CAT: variants seen among roughly 807,000 people sequenced by gnomAD.
The protein encoded by CAT is epididymis secretory sperm binding protein.
A neutral mutation model predicts 59.0 loss-of-function variants in CAT; 43 were observed. The ratio of observed to expected loss-of-function variants is 0.73; its 90% CI spans 0.57 to 0.94. CAT has a LOEUF of 0.94. Ranked by LOEUF, CAT falls within the 40% of genes least tolerant of loss-of-function variation. The pLI, the probability that CAT is intolerant of heterozygous loss-of-function variation, is 0.00. For missense variants in CAT, 664 were observed against 682.9 expected (o/e 0.97, Z 0.31); for synonymous variants, 218 against 230.9 (o/e 0.94, Z 0.51).
chr11:34,465,327 A>G (rs1160955341), intron 10 of CAT, among the ~76,000 whole-genome samples: 1 of 152,226 alleles, frequency 6.6e-6, no homozygotes, highest in African/African-American at 2.4e-5. Context: ...TTACGTATAT[A>G]CATATATACG....
At chr11:34,444,301 T>C (rs1856425003) in intron 1 of CAT, among the ~76,000 whole-genome samples, 1 of 152,190 alleles carries the variant, frequency 6.6e-6, no homozygotes, top group Admixed American at 6.5e-5. Flanking sequence ...GCAGGATTTA[T>C]AGTAAATAGG....
At position 34,453,972 on chromosome 11, in the gene CAT, A is replaced by G. The variant is rs187490567; in HGVS notation, c.711+46A>G. Reference sequence around the variant, plus strand: ...AGAGGGTACAAGGCTCCTACCGCATACCTCCTTATTTTTCCTGAAGGATTG... The same window carrying G: ...AGAGGGTACAAGGCTCCTACCGCATGCCTCCTTATTTTTCCTGAAGGATTG... On this transcript the variant is annotated intron_variant, in intron 6 of 12. Coordinates refer to ENST00000241052, the MANE Select transcript of CAT (RefSeq NM_001752.4). The G allele has an allele frequency of 1.2e-4, 192 of 1,598,994 alleles. 2 individuals carry two copies. The highest frequency in any genetic ancestry group is 1.2e-3 in the Admixed American group (71 of 59,748).
chr11:34,470,413 T>A (rs1333771826), intron 11 of CAT, among the ~76,000 whole-genome samples: 1 of 152,168 alleles, frequency 6.6e-6, no homozygotes, highest in Non-Finnish European at 1.5e-5. Context: ...CTGGAGGTTT[T>A]ATGACATAGG....
intron 1 of CAT, among the ~76,000 whole-genome samples, chr11:34,443,849 G>A (rs917445303): frequency 4.0e-4 from 61 of 152,068 alleles, no homozygotes; most frequent in Non-Finnish European, 2.4e-4. Flanking sequence ...CTAACATTTG[G>A]GATGGAGAAG....
At position 34,471,523 on chromosome 11, in the gene CAT, G is replaced by T. The variant is rs996362630; in HGVS notation, c.*90G>T. The T allele has an allele frequency of 2.8e-6, 3 of 1,068,424 alleles. No individual in the cohort carries two copies. The Admixed American group carries it at 5.1e-5, about 18-fold the overall frequency. 66.2% of individuals were successfully genotyped at this position (1,068,424 alleles called of 1,614,324 possible). A position where few individuals can be genotyped will look rare whatever the true frequency, so the allele number is the denominator to read the frequency against. Reference sequence around the variant, plus strand: ...ATGAAGATTCTCCTGTGCTAGATGTGCAAATGCAAGCTAGTGGCTTCAAAA... The same window carrying T: ...ATGAAGATTCTCCTGTGCTAGATGTTCAAATGCAAGCTAGTGGCTTCAAAA... On this transcript the variant is annotated 3_prime_UTR_variant, in exon 13 of 13. Coordinates refer to ENST00000241052, the MANE Select transcript of CAT (RefSeq NM_001752.4).
At chr11:34,463,906 G>A (rs1316851743) in intron 9 of CAT, among the ~76,000 whole-genome samples, 199 bp from the exon 10 acceptor site, 1 of 152,216 alleles carries the variant, frequency 6.6e-6, no homozygotes, top group Non-Finnish European at 1.5e-5. Flanking sequence ...GCAGATGGCA[G>A]CGTTCCCTAA....
chr11:34,456,915 C>T, intron 8 of CAT, 98 bp downstream of exon 8: 7 of 1,279,538 alleles, frequency 5.5e-6, no homozygotes, highest in Admixed American at 1.9e-5. Context: ...GAGGAATTAA[C>T]AAGAACATTA....
intron 1 of CAT, among the ~76,000 whole-genome samples, chr11:34,442,938 T>G (rs1856408644): frequency 6.6e-6 from 1 of 152,208 alleles, no homozygotes; most frequent in African/African-American, 2.4e-5. Flanking sequence ...AGCGTACATT[T>G]CATATTTGGT....
chr11:34,445,459 G>A (rs1234304017), intron 1 of CAT, among the ~76,000 whole-genome samples: 13 of 116,192 alleles, frequency 1.1e-4, no homozygotes, highest in Admixed American at 9.8e-4. Context: ...CCATGCCACT[G>A]CACTCCAGCC....
chr11:34,442,461 C>T (rs1283826098), intron 1 of CAT, among the ~76,000 whole-genome samples: 2 of 152,082 alleles, frequency 1.3e-5, no homozygotes, highest in South Asian at 2.1e-4. Context: ...ATTAGCTGGG[C>T]GTGGTGGCAC....
chr11:34,444,475 G>T (rs1237503819), intron 1 of CAT, among the ~76,000 whole-genome samples: 1 of 152,150 alleles, frequency 6.6e-6, no homozygotes, highest in Non-Finnish European at 1.5e-5. Flanking sequence ...AAATTTGAAG[G>T]TCAGGACAGT....
At chr11:34,466,935 A>G (rs761963883) in intron 10 of CAT, among the ~76,000 whole-genome samples, 29 of 152,188 alleles carry the variant, frequency 1.9e-4, no homozygotes, top group Non-Finnish European at 4.0e-4. Context: ...GGAGGTTAAC[A>G]TGGCTGAAGA....
At chr11:34,469,671 G>GTTT (rs35099202) in intron 11 of CAT, among the ~76,000 whole-genome samples, 1 of 145,738 alleles carries the variant, frequency 6.9e-6, no homozygotes, top group Non-Finnish European at 1.5e-5. Context: ...GGTTGTGTGG[G>GTTT]TTTTTTTTTT....
chr11:34,439,200 C>A, intron 1 of CAT, 121 bp downstream of exon 1: 1 of 930,062 alleles, frequency 1.1e-6, no homozygotes, highest in Non-Finnish European at 1.7e-6. Flanking sequence ...GCTCACTGGG[C>A]AGGGGGGATC....
rs1293014979 is a variant in CAT, at chr11:34,464,216, A to G, written c.1307A>G (p.Asn436Ser). The G allele has an allele frequency of 1.1e-5, 18 of 1,614,016 alleles. No homozygotes were observed. The highest frequency in any genetic ancestry group is 6.7e-5 in the Admixed American group (4 of 60,010). Residue 436 changes from asparagine to serine, a missense_variant, in exon 10 of 13, where the codon AAT becomes AGT. By Grantham distance (46) the Asn-to-Ser change is conservative (BLOSUM62 1). Transcript: ENST00000241052. Reference sequence around the variant, plus strand: ...GAAGTGCGGAGATTCAACACTGCCAATGATGATAACGTTACTCAGGTAATG... The same window carrying G: ...GAAGTGCGGAGATTCAACACTGCCAGTGATGATAACGTTACTCAGGTAATG... ...SGEVRRFNTA[N>S]DDNVTQVRAF... is the part of the protein sequence containing the mutation.
At chr11:34,455,637 A>G (rs1441272711) in intron 6 of CAT, among the ~76,000 whole-genome samples, 1 of 152,046 alleles carries the variant, frequency 6.6e-6, no homozygotes, top group Non-Finnish European at 1.5e-5. Flanking sequence ...ACATTACTTC[A>G]TGATAAAAGG....
chr11:34,465,035 G>C (rs986032161), intron 10 of CAT, among the ~76,000 whole-genome samples: 1 of 152,282 alleles, frequency 6.6e-6, no homozygotes, highest in South Asian at 2.1e-4. Flanking sequence ...CCTAAGAGCT[G>C]TTTCAGCACA....
rs148299275 is a variant in CAT, at chr11:34,471,486, G to A, written c.*53G>A. On this transcript the variant is annotated 3_prime_UTR_variant, in exon 13 of 13. Transcript: ENST00000241052. ...AGCTTAGCGTTCATCCGTGTAACCC[G>A]CTCATCACTGGATGAAGATTCTCCT... 65 of 1,432,002 alleles carry A rather than the reference G, an allele frequency of 4.5e-5. No individual in the cohort carries two copies. The African/African-American group carries it at 6.6e-4, about 15-fold the overall frequency. The allele number at this position is 1,432,002 out of a possible 1,614,324, so 88.7% of individuals were successfully genotyped here.
In CAT at chr11:34,453,798, T is replaced by C; in HGVS notation, c.586-3T>C. 1 of 1,612,630 alleles carries C rather than the reference T, an allele frequency of 6.2e-7. No homozygotes were observed. The highest frequency in any genetic ancestry group is 8.5e-7 in the Non-Finnish European group (1 of 1,178,676). ...TTTTAGGCTTTATATTTCTGTTCTT[T>C]AGGTTTCTTTCTTGTTCAGTGATCG... On this transcript the variant is annotated splice_region_variant and splice_polypyrimidine_tract_variant and intron_variant, in intron 5 of 12. Coordinates refer to ENST00000241052, the MANE Select transcript of CAT (RefSeq NM_001752.4).
Sources: gnomAD v4.1 joint callset for allele counts (sites outside exome capture counted in the v4.1 genomes callset) on GRCh38, gnomAD v4.1.1 for gene constraint, MANE v1.5 for transcripts, NCBI Gene and HGNC (gene_info 2026-07-23, HGNC 2026-07-21) for gene names.